DNASE1L2: variants seen among roughly 807,000 people sequenced by gnomAD.
DNASE1L2 encodes deoxyribonuclease 1 like 2.
In DNASE1L2, 35 loss-of-function variants were observed where a neutral mutation model predicts 31.8. The ratio of observed to expected loss-of-function variants is 1.10; its 90% CI spans 0.84 to 1.46. The LOEUF (loss-of-function observed/expected upper bound fraction) is 1.46. Ranked by LOEUF, DNASE1L2 falls within the 40% of genes most tolerant of loss-of-function variation. DNASE1L2 has a pLI of 0.00. For missense variants in DNASE1L2, 504 were observed against 418.8 expected (o/e 1.20, Z -1.77); for synonymous variants, 211 against 186.5 (o/e 1.13, Z -1.07).
Position 2,236,830 on chromosome 16 carries a change from G to T in DNASE1L2, c.14G>T (p.Arg5Leu). MGGPRALLAALWALE... is the reference protein window; with the variant it reads MGGPLALLAALWALE... Reference sequence around the variant, plus strand: ...TCGCTCCGCGCCATGGGCGGGCCCCGGGCTCTGCTGGCCGCACTCTGGGCG... The same window carrying T: ...TCGCTCCGCGCCATGGGCGGGCCCCTGGCTCTGCTGGCCGCACTCTGGGCG... Residue 5 changes from arginine to leucine, a missense_variant, in exon 2 of 7, where the codon CGG (arginine) becomes CTG (leucine). By Grantham distance (102) the Arg-to-Leu change is moderately radical. Transcript: ENST00000320700. 6.3e-7 allele frequency: 1 copy of T among 1,597,198 alleles called. No individual in the cohort carries two copies.
rs1171068371 is a variant in DNASE1L2 at position 2,237,543 on chromosome 16, A to T, written c.485A>T (p.Gln162Leu). 3 of 1,426,268 alleles carry T rather than the reference A, an allele frequency of 2.1e-6. No individual in the cohort carries two copies. Among genetic ancestry groups the T allele is most frequent in the Admixed American group, 1.9e-5 (1 of 52,878 alleles). The allele number at this position is 1,426,268 out of a possible 1,614,324, so 88.4% of individuals were successfully genotyped here. ...LTPPPLPAAAQNLVLIPLHAA... is the reference protein window; with the variant it reads ...LTPPPLPAAALNLVLIPLHAA... ...CCCCCACCCCTTCCCGCAGCAGCAC[A>T]GAACCTGGTGCTGATCCCGCTGCAC... is the stretch of plus-strand genomic sequence containing the variant. The change falls in exon 5 of 7, where the codon CAG becomes CTG. Residue 162 changes from glutamine to leucine, a missense_variant. Gln to Leu is a moderately radical substitution (Grantham distance 113). Coordinates refer to ENST00000320700, the MANE Select transcript of DNASE1L2 (RefSeq NM_001374.3).
At chr16:2,238,153 T>TG in intron 6 of DNASE1L2, 135 bp downstream of exon 6, 1 of 1,442,956 alleles carries the variant, frequency 6.9e-7, no homozygotes, top group South Asian at 1.4e-5. Flanking sequence ...CCAAGGACCC[T>TG]GGAGAGCCCG....
In DNASE1L2 at chr16:2,237,126, G is replaced by A. The variant is rs370952524; in HGVS notation, c.233G>A (p.Ser78Asn). 2.6e-6 allele frequency: 4 copies of A among 1,549,388 alleles called. No homozygotes were observed. Among genetic ancestry groups the A allele is most frequent in the Non-Finnish European group, 2.6e-6 (3 of 1,147,232 alleles). ...AVSALMEQIN[S>N]VSEHEYSFVS... ...TCCGCGCTCATGGAGCAGATCAACA[G>A]GTGTGGTGGGCAGGGCCCCTCGTCG... The change falls in exon 3 of 7, where the codon AGC becomes AAC. Residue 78 changes from serine (S) to asparagine (N), a missense_variant and splice_region_variant. Ser to Asn is a conservative substitution (Grantham distance 46). Coordinates refer to ENST00000320700, the MANE Select transcript of DNASE1L2 (RefSeq NM_001374.3).
chr16:2,238,625 G>A lies in DNASE1L2; in HGVS notation c.*207G>A, dbSNP rs879550849. On this transcript the variant is annotated 3_prime_UTR_variant, in exon 7 of 7. Coordinates refer to ENST00000320700, the MANE Select transcript of DNASE1L2 (RefSeq NM_001374.3). ...CGGGCTGCATCCAGCGACCTCATGG[G>A]GTGTTGTGAGCCCCATGAGGGGTGC... 1 of 634,854 alleles carries A rather than the reference G, an allele frequency of 1.6e-6. No homozygotes were observed. 39.3% of individuals were successfully genotyped at this position (634,854 alleles called of 1,614,324 possible).
At chr16:2,237,705 C>A (rs2093516773) in intron 5 of DNASE1L2, 56 bp downstream of exon 5, 1 of 1,591,872 alleles carries the variant, frequency 6.3e-7, no homozygotes, top group East Asian at 2.3e-5. Flanking sequence ...GGGTCTGGTT[C>A]ATGAGGGCGG....
Position 2,238,535 on chromosome 16 carries a change from G to C in DNASE1L2, c.*117G>C. 1 of 1,287,540 alleles carries C rather than the reference G, an allele frequency of 7.8e-7. No homozygotes were observed. Among genetic ancestry groups the C allele is most frequent in the Non-Finnish European group, 1.1e-6 (1 of 898,428 alleles). The allele number at this position is 1,287,540 out of a possible 1,614,324, so 79.8% of individuals were successfully genotyped here. A position where few individuals can be genotyped will look rare whatever the true frequency, so the allele number is the denominator to read the frequency against. ...TGAGGCCCCAAGGCAGAGTCGGCTG[G>C]GCGTGGACCAGGGGCCATGGACACG... On this transcript the variant is annotated 3_prime_UTR_variant, in exon 7 of 7. Transcript: ENST00000320700.
rs764075341 is a variant in DNASE1L2, at chr16:2,237,987, TC to T, written c.814del (p.Gln272ArgfsTer22). The T allele has an allele frequency of 6.2e-7, 1 of 1,605,846 alleles. No homozygotes were observed. The highest frequency in any genetic ancestry group is 8.5e-7 in the Non-Finnish European group (1 of 1,177,436). ...LKPQSATVHD[F>X]QEEFGLDQTQ... ...CCCCAGTCGGCCACCGTGCACGACT[TC>T]CAGGAGGAATTCGGCCTGGACCAGA... On this transcript the variant is annotated frameshift_variant, in exon 6 of 7. Coordinates refer to ENST00000320700, the MANE Select transcript of DNASE1L2 (RefSeq NM_001374.3). LOFTEE classifies it high-confidence loss of function.
chr16:2,237,769 C>T lies in DNASE1L2; in HGVS notation c.594C>T (p.Asp198=), dbSNP rs1052114476. 3 of 1,605,402 alleles carry T rather than the reference C, an allele frequency of 1.9e-6. No individual in the cohort carries two copies. The highest frequency in any genetic ancestry group is 1.7e-6 in the Non-Finnish European group (2 of 1,176,812). ...ACACGGCTCCGCGGCGCCCGCAGGA[C>T]ATGCTGTTCCTGGGCGACTTCAACG... ...LDVIDKWGTD[D]MLFLGDFNAD... The change falls in exon 6 of 7, where the codon GAC becomes GAT. Residue 198 remains aspartate, a splice_region_variant and synonymous_variant. Coordinates refer to ENST00000320700, the MANE Select transcript of DNASE1L2 (RefSeq NM_001374.3).
chr16:2,237,537 CA>C lies in DNASE1L2; in HGVS notation c.480del (p.Ala161HisfsTer6). On this transcript the variant is annotated frameshift_variant, in exon 5 of 7. Coordinates refer to ENST00000320700, the MANE Select transcript of DNASE1L2 (RefSeq NM_001374.3). LOFTEE classifies it high-confidence loss of function. ...CTGACGCCCCCACCCCTTCCCGCAG[CA>C]GCACAGAACCTGGTGCTGATCCCGC... ...RALTPPPLPA[A>X]AQNLVLIPLH... 6.2e-7 allele frequency: 1 copy of C among 1,604,294 alleles called. No homozygotes were observed. The highest frequency in any genetic ancestry group is 8.5e-7 in the Non-Finnish European group (1 of 1,176,288).
Position 2,237,783 on chromosome 16 carries a change from G to C in DNASE1L2, c.608G>C (p.Gly203Ala). 1.9e-6 allele frequency: 3 copies of C among 1,607,784 alleles called. No homozygotes were observed. The highest frequency in any genetic ancestry group is 2.5e-6 in the Non-Finnish European group (3 of 1,177,986). ...KWGTDDMLFLGDFNADCSYVR... is the reference protein window; with the variant it reads ...KWGTDDMLFLADFNADCSYVR... ...CGCCCGCAGGACATGCTGTTCCTGG[G>C]CGACTTCAACGCCGACTGCAGCTAT... The change falls in exon 6 of 7, where the codon GGC becomes GCC. Residue 203 changes from glycine (G) to alanine (A), a missense_variant. Coordinates refer to ENST00000320700, the MANE Select transcript of DNASE1L2 (RefSeq NM_001374.3).
At chr16:2,238,128 C>A in intron 6 of DNASE1L2, 110 bp downstream of exon 6, 1 of 1,464,402 alleles carries the variant, frequency 6.8e-7, no homozygotes, top group Non-Finnish European at 9.1e-7. Flanking sequence ...TTCCTCCCTG[C>A]ACCAGGGCTC....
chr16:2,237,238 G>A lies in DNASE1L2; in HGVS notation c.254G>A (p.Ser85Asn). ...QINSVSEHEY[S>N]FVSSQPLGRD... is the part of the protein sequence containing the mutation. The stretch of plus-strand genomic sequence containing the variant: ...CGCAGCGTGTCCGAGCACGAGTACA[G>A]CTTTGTGAGCAGCCAGCCCCTGGGC... The change falls in exon 4 of 7, where the codon AGC becomes AAC. Residue 85 changes from serine (S) to asparagine (N), a missense_variant. Coordinates refer to ENST00000320700, the MANE Select transcript of DNASE1L2 (RefSeq NM_001374.3). 2 of 1,582,238 alleles carry A rather than the reference G, an allele frequency of 1.3e-6. No homozygotes were observed. The highest frequency in any genetic ancestry group is 1.3e-5 in the African/African-American group (1 of 74,620).
In DNASE1L2 at chr16:2,237,851, G is replaced by C; in HGVS notation, c.676G>C (p.Glu226Gln). 1.2e-6 allele frequency: 2 copies of C among 1,612,710 alleles called. No homozygotes were observed. Among genetic ancestry groups the C allele is most frequent in the Non-Finnish European group, 1.7e-6 (2 of 1,179,842 alleles). Reference protein sequence around the residue: ...DWAAIRLRSSEVFKWLIPDSA... With the variant: ...DWAAIRLRSSQVFKWLIPDSA... Reference sequence around the variant, plus strand: ...GGCCGCCATCCGTCTGAGGAGCAGTGAGGTCTTCAAGTGGCTCATCCCTGA... The same window carrying C: ...GGCCGCCATCCGTCTGAGGAGCAGTCAGGTCTTCAAGTGGCTCATCCCTGA... The change falls in exon 6 of 7, where the codon GAG becomes CAG. Residue 226 changes from glutamate (E) to glutamine (Q), a missense_variant. Glu to Gln is a conservative substitution (Grantham distance 29). Coordinates refer to ENST00000320700, the MANE Select transcript of DNASE1L2 (RefSeq NM_001374.3).
Position 2,238,031 on chromosome 16 carries a change from T to G in DNASE1L2, c.843+13T>G. The G allele has an allele frequency of 6.3e-7, 1 of 1,584,726 alleles. No homozygotes were observed. Among genetic ancestry groups the G allele is most frequent in the Non-Finnish European group, 8.6e-7 (1 of 1,167,022 alleles). On this transcript the variant is annotated intron_variant, in intron 6 of 6. Transcript: ENST00000320700. ...GGACCAGACTCAGGCGAGTGGGCCG[T>G]GGGGCGGTGCTGGTCTTGGGTCCCC...
At chr16:2,237,005 G>A (rs1312937919) in intron 2 of DNASE1L2, 33 bp from the exon 3 acceptor site, 2 of 1,545,374 alleles carry the variant, frequency 1.3e-6, no homozygotes, top group African/African-American at 1.4e-5. Context: ...GGTGCTGACC[G>A]CGCTGACCCC....
In DNASE1L2 at chr16:2,237,828, C is replaced by T; in HGVS notation, c.653C>T (p.Ala218Val). The T allele has an allele frequency of 6.2e-7, 1 of 1,611,832 alleles. No homozygotes were observed. The highest frequency in any genetic ancestry group is 1.7e-5 in the Admixed American group (1 of 59,914). The change falls in exon 6 of 7, where the codon GCC becomes GTC. Residue 218 changes from alanine (A) to valine (V), a missense_variant. Ala to Val is a moderately conservative substitution (Grantham distance 64). Transcript: ENST00000320700. ...AGCTATGTGCGGGCGCAGGACTGGGCCGCCATCCGTCTGAGGAGCAGTGAG... is the reference window on the plus strand; with the variant it reads ...AGCTATGTGCGGGCGCAGGACTGGGTCGCCATCCGTCTGAGGAGCAGTGAG... ...DCSYVRAQDW[A>V]AIRLRSSEVF...
intron 5 of DNASE1L2, 52 bp from the exon 6 acceptor site, chr16:2,237,715 G>T: frequency 1.3e-6 from 2 of 1,593,454 alleles, no homozygotes; most frequent in Non-Finnish European, 1.7e-6. Flanking sequence ...CATGAGGGCG[G>T]GACCTCGACG....
chr16:2,236,959 A>T lies in DNASE1L2; in HGVS notation c.143A>T (p.Lys48Met). The T allele has an allele frequency of 6.4e-7, 1 of 1,559,302 alleles. No homozygotes were observed. Among genetic ancestry groups the T allele is most frequent in the African/African-American group, 1.4e-5 (1 of 73,840 alleles). The part of the protein sequence containing the change: ...SDPACGSIIA[K>M]ILAGYDLALV... ...CCCGCTTGCGGCAGCATCATCGCGA[A>T]GGTGGGGCCCGGGCCGGGGCGGGGC... Residue 48 changes from lysine (K) to methionine (M), a missense_variant and splice_region_variant, in exon 2 of 7, where the codon AAG becomes ATG. Coordinates refer to ENST00000320700, the MANE Select transcript of DNASE1L2 (RefSeq NM_001374.3).
Position 2,237,604 on chromosome 16 carries a change from G to A in DNASE1L2, c.546G>A (p.Ala182=). 11 of 1,611,186 alleles carry A rather than the reference G, an allele frequency of 6.8e-6. No individual in the cohort carries two copies. Among genetic ancestry groups the A allele is most frequent in the Non-Finnish European group, 9.3e-6 (11 of 1,179,202 alleles). The change falls in exon 5 of 7, where the codon GCG becomes GCA. Residue 182 remains alanine (A), a synonymous_variant. Coordinates refer to ENST00000320700, the MANE Select transcript of DNASE1L2 (RefSeq NM_001374.3). Reference sequence around the variant, plus strand: ...ATCAAGCCGTGGCGGAGATCGACGCGCTCTACGACGTGTACCTGGACGTGA... The same window carrying A: ...ATCAAGCCGTGGCGGAGATCGACGCACTCTACGACGTGTACCTGGACGTGA... ...APHQAVAEID[A]LYDVYLDVID...
Sources: gnomAD v4.1 joint callset for allele counts on GRCh38, gnomAD v4.1.1 for gene constraint, MANE v1.5 for transcripts, NCBI Gene and HGNC (gene_info 2026-07-23, HGNC 2026-07-21) for gene names.